The following SLC25A28 variants were observed in gnomAD, a reference collection of about 807,000 sequenced individuals.
The protein encoded by SLC25A28 is mitoferrin-2.
SLC25A28 carries 10 observed loss-of-function variants against 31.9 expected under a neutral mutation model. The ratio of observed to expected loss-of-function variants is 0.31; its 90% CI spans 0.19 to 0.53. The LOEUF (loss-of-function observed/expected upper bound fraction) is 0.53. Ranked by LOEUF, SLC25A28 falls within the 20% of genes least tolerant of loss-of-function variation. The pLI, the probability that SLC25A28 is intolerant of heterozygous loss-of-function variation, is 0.95. For synonymous variants in SLC25A28, 208 were observed against 203.6 expected, an observed-to-expected ratio of 1.02 and a Z score of -0.19; for missense variants, 256 against 490.3, an observed-to-expected ratio of 0.52 and a Z score of 4.51.
chr10:99,627,059 A>T, the SLC25A28 span, among the ~76,000 whole-genome samples: 2 of 152,092 alleles, frequency 1.3e-5, no homozygotes, highest in Non-Finnish European at 2.9e-5. Context: ...TGGCCAACAT[A>T]GTGAAACACT....
intron 1 of SLC25A28, chr10:99,616,343 A>G: frequency 2.2e-5 from 17 of 786,364 alleles, no homozygotes; most frequent in Non-Finnish European, 2.6e-5. Context: ...GAGGCCAAGA[A>G]TGACTGGCTC....
At chr10:99,631,345 A>G in the SLC25A28 span, among the ~76,000 whole-genome samples, 1 of 152,232 alleles carries the variant, frequency 6.6e-6, no homozygotes, top group Non-Finnish European at 1.5e-5. Context: ...ATGAGCTGTA[A>G]GAAACATAGC....
At chr10:99,635,080 T>C in the SLC25A28 span, among the ~76,000 whole-genome samples, 2 of 152,208 alleles carry the variant, frequency 1.3e-5, no homozygotes. Context: ...ACAGCCTTTT[T>C]CAGACAAATA....
rs1444902346 is a variant in SLC25A28 at position 99,613,782 on chromosome 10, T to G, written c.434A>C (p.His145Pro). The G allele has an allele frequency of 6.2e-7, 1 of 1,614,244 alleles. No homozygotes were observed. The highest frequency in any genetic ancestry group is 8.5e-7 in the Non-Finnish European group (1 of 1,180,042). Reference sequence around the variant, plus strand: ...TTCGTAGCAGGCAAAATAAAGGGCGTGGGCAGGCCCTGCGCCTGTTGCTGT... The same window carrying G: ...TTCGTAGCAGGCAAAATAAAGGGCGGGGGCAGGCCCTGCGCCTGTTGCTGT... Reference protein sequence around the residue: ...NVTATGAGPAHALYFACYEKL... With the variant: ...NVTATGAGPAPALYFACYEKL... Residue 145 changes from histidine (H) to proline (P), a missense_variant, in exon 2 of 4, where the codon CAC becomes CCC. This residue lies in a region of SLC25A28 where 158 missense variants were observed against 379.1 expected (regional missense o/e 0.42). Coordinates refer to ENST00000370495, the MANE Select transcript of SLC25A28 (RefSeq NM_031212.4). The surrounding 1 kb of genome is among the most constrained non-coding windows in gnomAD (Gnocchi z 4.9).
At chr10:99,616,783 C>T in intron 1 of SLC25A28, 1 of 972,656 alleles carries the variant, frequency 1.0e-6, no homozygotes, top group Non-Finnish European at 1.2e-6. Flanking sequence ...GCTACTTAAA[C>T]TGTGTGACCT....
At chr10:99,654,713 T>C in the SLC25A28 span, among the ~76,000 whole-genome samples, 7 of 152,088 alleles carry the variant, frequency 4.6e-5, no homozygotes, top group Non-Finnish European at 1.0e-4. Context: ...AAGGGGGCCT[T>C]CTCTTCTTTT....
chr10:99,629,943 G>A, the SLC25A28 span, among the ~76,000 whole-genome samples: 3 of 152,198 alleles, frequency 2.0e-5, no homozygotes, highest in Non-Finnish European at 2.9e-5. Flanking sequence ...GGAGGCCAAG[G>A]TGGGTGGATC....
At chr10:99,646,412 C>A in the SLC25A28 span, among the ~76,000 whole-genome samples, 2 of 152,206 alleles carry the variant, frequency 1.3e-5, no homozygotes, top group Non-Finnish European at 2.9e-5. Context: ...ATTGGAAAAG[C>A]GCAGTATTAG....
At chr10:99,631,765 T>C in the SLC25A28 span, among the ~76,000 whole-genome samples, 2 of 151,804 alleles carry the variant, frequency 1.3e-5, no homozygotes, top group African/African-American at 4.8e-5. Flanking sequence ...AATACTCTAA[T>C]AGGCCGCATA....
chr10:99,615,905 G>A, intron 1 of SLC25A28: 1 of 985,390 alleles, frequency 1.0e-6, no homozygotes, highest in Non-Finnish European at 1.2e-6. Flanking sequence ...TGGCTTCGGA[G>A]GCCTGGAACT....
At chr10:99,652,404 C>T in the SLC25A28 span, among the ~76,000 whole-genome samples, 2 of 152,164 alleles carry the variant, frequency 1.3e-5, no homozygotes, top group Non-Finnish European at 2.9e-5. Flanking sequence ...GAAATGTTCT[C>T]TCATATGCTC....
intron 1 of SLC25A28, chr10:99,615,594 T>C (rs2034632287): frequency 2.0e-6 from 2 of 985,286 alleles, no homozygotes; most frequent in Non-Finnish European, 1.2e-6. Context: ...GTATCACTTA[T>C]CACAATTTGA....
At chr10:99,635,495 C>T in the SLC25A28 span, among the ~76,000 whole-genome samples, 4 of 132,348 alleles carry the variant, frequency 3.0e-5, no homozygotes, top group African/African-American at 5.7e-5. Context: ...TCCTGGCTAA[C>T]GTGGTGAAAC....
chr10:99,623,621 C>T (rs1243648558), upstream of SLC25A28, among the ~76,000 whole-genome samples: 1 of 152,190 alleles, frequency 6.6e-6, no homozygotes, highest in Non-Finnish European at 1.5e-5. Flanking sequence ...TTTTGATTCT[C>T]CTCCTTCCAG....
chr10:99,616,557 C>G, intron 1 of SLC25A28: 1 of 985,270 alleles, frequency 1.0e-6, no homozygotes, highest in Non-Finnish European at 1.2e-6. Context: ...CCTTAGCCAC[C>G]AATAAATCAG....
chr10:99,631,888 T>A, the SLC25A28 span, among the ~76,000 whole-genome samples: 44 of 101,154 alleles, frequency 4.3e-4, 2 homozygotes, highest in East Asian at 5.1e-3. Flanking sequence ...ATTTTTTTTT[T>A]TTATTTTTTT....
At chr10:99,619,214 G>C (rs2034728202) in intron 1 of SLC25A28, 1 of 985,314 alleles carries the variant, frequency 1.0e-6, no homozygotes, top group African/African-American at 1.7e-5. Flanking sequence ...TCCTCTTGTT[G>C]ATCTCTTTCC....
At position 99,617,435 on chromosome 10, in the gene SLC25A28, T is replaced by C. The variant is rs576578267; in HGVS notation, c.291+2610A>G. ...CAATGTCAGCTTTCATTTGCAAACA[T>C]TGTGGTTGCCCTTTAGGCTCCAACA... On this transcript the variant is annotated intron_variant, in intron 1 of 3. Transcript: ENST00000370495. 4.2e-5 allele frequency: 41 copies of C among 985,442 alleles called. No individual in the cohort carries two copies. In the East Asian group the frequency reaches 3.9e-3, roughly 93 times the overall value. The allele number at this position is 985,442 out of a possible 1,614,324, so 61.0% of individuals were successfully genotyped here.
intron 1 of SLC25A28, chr10:99,616,060 T>C (rs1479051875): frequency 2.0e-6 from 2 of 985,298 alleles, no homozygotes; most frequent in South Asian, 4.7e-5. Context: ...AATATAAAAA[T>C]GAATATGGCT....
Sources: allele counts gnomAD v4.1 joint callset (sites outside exome capture counted in the v4.1 genomes callset), GRCh38; gene constraint gnomAD v4.1.1; regional missense constraint gnomAD v4.1.1; non-coding constraint Gnocchi (gnomAD v3.1); transcripts MANE v1.5; gene names NCBI Gene and HGNC (gene_info 2026-07-23, HGNC 2026-07-21).